Variants in GRAMD1B observed in about 807,000 individuals in gnomAD.
GRAMD1B encodes GRAM domain containing 1B.
A neutral mutation model predicts 99.7 loss-of-function variants in GRAMD1B; 37 were observed. The observed-to-expected ratio is 0.37, with a 90% CI of 0.29 to 0.49. The LOEUF (loss-of-function observed/expected upper bound fraction) is 0.49. Among genes scored for constraint, GRAMD1B ranks in the 20% least tolerant of loss-of-function variants. The pLI is 0.98. For synonymous variants in GRAMD1B, 427 were observed against 387.6 expected, an observed-to-expected ratio of 1.10 and a Z score of -1.19; for missense variants, 888 against 1,009.2, an observed-to-expected ratio of 0.88 and a Z score of 1.63.
At chr11:123,397,141 C>T (rs112087739) in intron 1 of GRAMD1B, among the ~76,000 whole-genome samples, 3,915 of 152,192 alleles carry the variant, frequency 0.026, 103 homozygotes, top group African/African-American at 0.063. Flanking sequence ...TGGTGTCCCC[C>T]GCCTGTAATC....
chr11:123,548,291 A>AATAT (rs139996126), intron 2 of GRAMD1B, among the ~76,000 whole-genome samples: 2,594 of 74,812 alleles, frequency 0.035, 74 homozygotes, highest in Non-Finnish European at 0.05. Context: ...GCTGTGCCAA[A>AATAT]ATATATATAT....
chr11:123,556,628 G>A (rs1361321381), intron 2 of GRAMD1B, among the ~76,000 whole-genome samples: 1 of 152,174 alleles, frequency 6.6e-6, no homozygotes, highest in African/African-American at 2.4e-5. Context: ...TCAGTTTTCT[G>A]TATCTCTGAA....
intron 17 of GRAMD1B, chr11:123,618,409 G>A (rs1351586996): frequency 7.1e-6 from 11 of 1,545,800 alleles, no homozygotes; most frequent in Admixed American, 5.0e-5. Context: ...CCTCCCCACC[G>A]TACCTCTCTT....
chr11:123,539,516 T>G (rs1271048620), intron 2 of GRAMD1B, among the ~76,000 whole-genome samples: 1 of 151,812 alleles, frequency 6.6e-6, no homozygotes, highest in Non-Finnish European at 1.5e-5. Flanking sequence ...GGTGGAAGGA[T>G]CACTTGAGCC....
intron 2 of GRAMD1B, among the ~76,000 whole-genome samples, chr11:123,561,094 G>T (rs963713918): frequency 6.6e-6 from 1 of 152,166 alleles, no homozygotes; most frequent in Admixed American, 6.5e-5. Flanking sequence ...GAGACAGGCT[G>T]GGTTGAGGGT....
intron 1 of GRAMD1B, among the ~76,000 whole-genome samples, chr11:123,473,912 A>G (rs1192114193): frequency 1.3e-5 from 2 of 152,088 alleles, no homozygotes; most frequent in Non-Finnish European, 2.9e-5. Flanking sequence ...TATTCTCTCC[A>G]TCTTTGCTAC....
intron 1 of GRAMD1B, among the ~76,000 whole-genome samples, chr11:123,397,768 C>T (rs1314327786): frequency 6.6e-6 from 1 of 152,150 alleles, no homozygotes; most frequent in East Asian, 1.9e-4. Flanking sequence ...CTTGGCCTCC[C>T]AAAGTGCTGG....
At chr11:123,622,394 C>G in intron 19 of GRAMD1B, 112 bp from the exon 20 acceptor site, 1 of 676,848 alleles carries the variant, frequency 1.5e-6, no homozygotes, top group Non-Finnish European at 2.7e-6. Context: ...CTTTTCAGCC[C>G]CATGGCGTGG....
chr11:123,386,271 G>A (rs1461154981), intron 1 of GRAMD1B, among the ~76,000 whole-genome samples: 1 of 151,990 alleles, frequency 6.6e-6, no homozygotes, highest in Non-Finnish European at 1.5e-5. Context: ...AAGATTTAGG[G>A]GCTGATTTGT....
At chr11:123,417,560 C>A (rs80302299) in intron 1 of GRAMD1B, among the ~76,000 whole-genome samples, 102 of 152,282 alleles carry the variant, frequency 6.7e-4, no homozygotes, top group African/African-American at 2.4e-3. Context: ...TAAGCTCTGG[C>A]ATCAGCATTG....
At chr11:123,411,889 T>A (rs1272598361) in intron 1 of GRAMD1B, among the ~76,000 whole-genome samples, 1 of 152,180 alleles carries the variant, frequency 6.6e-6, no homozygotes, top group Non-Finnish European at 1.5e-5. Context: ...GCTCAAGCAA[T>A]CCGCCTGCCT....
chr11:123,572,674 GGAGA>G (rs149492693), intron 2 of GRAMD1B, among the ~76,000 whole-genome samples: 10 of 149,802 alleles, frequency 6.7e-5, no homozygotes, highest in African/African-American at 9.8e-5. Context: ...GTAATTGGAG[GGAGA>G]GAGAGAGAGA....
chr11:123,373,189 T>C (rs755532769), intron 1 of GRAMD1B, among the ~76,000 whole-genome samples: 1 of 152,142 alleles, frequency 6.6e-6, no homozygotes, highest in Non-Finnish European at 1.5e-5. Flanking sequence ...TGAGAGCTTT[T>C]TTTACCCTAA....
At chr11:123,525,059 C>T (rs2135466099) in intron 2 of GRAMD1B, among the ~76,000 whole-genome samples, 1 of 152,334 alleles carries the variant, frequency 6.6e-6, no homozygotes. Flanking sequence ...TGTGGCTGGT[C>T]TGCATCTTCT....
intron 2 of GRAMD1B, among the ~76,000 whole-genome samples, chr11:123,483,935 C>T (rs766573797): frequency 5.9e-5 from 9 of 152,178 alleles, no homozygotes; most frequent in African/African-American, 1.2e-4. Context: ...CAATTTAGAC[C>T]GACGTATATG....
intron 2 of GRAMD1B, among the ~76,000 whole-genome samples, chr11:123,496,486 C>T (rs1591711791): frequency 1.3e-5 from 2 of 151,958 alleles, no homozygotes; most frequent in South Asian, 4.1e-4. Context: ...TCTTGTACTT[C>T]AATATTGATA....
intron 1 of GRAMD1B, among the ~76,000 whole-genome samples, chr11:123,406,013 T>C (rs1039126500): frequency 6.8e-6 from 1 of 146,294 alleles, no homozygotes; most frequent in Non-Finnish European, 1.5e-5. Flanking sequence ...CTGAACATTA[T>C]TCCTTTTTTT....
intron 2 of GRAMD1B, among the ~76,000 whole-genome samples, chr11:123,506,350 G>A (rs959171606): frequency 4.0e-5 from 6 of 151,672 alleles, no homozygotes; most frequent in African/African-American, 1.2e-4. Context: ...CTTCACCCAC[G>A]CCCCTGCCAG....
chr11:123,408,804 A>G (rs1253898588), intron 1 of GRAMD1B, among the ~76,000 whole-genome samples: 1 of 152,246 alleles, frequency 6.6e-6, no homozygotes, highest in Non-Finnish European at 1.5e-5. Flanking sequence ...CATGCAGGAT[A>G]ACTCTGCCTC....
Sources: gnomAD v4.1 joint callset for allele counts (sites outside exome capture counted in the v4.1 genomes callset) on GRCh38, gnomAD v4.1.1 for gene constraint, MANE v1.5 for transcripts, NCBI Gene and HGNC (gene_info 2026-07-23, HGNC 2026-07-21) for gene names.